ABCC1: variants seen among roughly 807,000 people sequenced by gnomAD.
ABCC1 encodes the protein ATP binding cassette subfamily C member 1 (ABCC1 blood group), also known as multidrug resistance-associated protein 1.
In ABCC1, 83 loss-of-function variants were observed where a neutral mutation model predicts 172.9. That is an observed-to-expected ratio of 0.48 (90% CI 0.40 to 0.58). The LOEUF (loss-of-function observed/expected upper bound fraction) is 0.58, where lower values mean the gene tolerates loss of function less well. Among genes scored for constraint, ABCC1 ranks in the 20% least tolerant of loss-of-function variants. ABCC1 has a pLI of 0.00. For synonymous variants in ABCC1, 937 were observed against 825.2 expected, an observed-to-expected ratio of 1.14 and a Z score of -2.32; for missense variants, 1,817 against 2,002.7, an observed-to-expected ratio of 0.91 and a Z score of 1.77.
chr16:15,986,025 C>T (rs1349730459), intron 1 of ABCC1, among the ~76,000 whole-genome samples: 2 of 151,922 alleles, frequency 1.3e-5, no homozygotes, highest in East Asian at 1.9e-4. Context: ...GTCTCTGCCT[C>T]CCAGGTTCAA....
rs906107639 is a variant in ABCC1 at position 15,975,046 on chromosome 16, C to T, written c.48+25247C>T. Among the ~76,000 whole-genome samples, 9 of 152,188 alleles carry T rather than the reference C, an allele frequency of 5.9e-5. 1 individual carries two copies. The highest frequency in any genetic ancestry group is 5.9e-4 in the Admixed American group (9 of 15,278). On this transcript the variant is annotated intron_variant, in intron 1 of 30. Coordinates refer to ENST00000399410, the MANE Select transcript of ABCC1 (RefSeq NM_004996.4). ...AAGTGATCCCCCCCAGCCTTGGCTT[C>T]CCAAAGTACTGGGATGACAGGTGTG... is the stretch of plus-strand genomic sequence containing the variant.
intron 5 of ABCC1, among the ~76,000 whole-genome samples, chr16:16,019,233 A>G (rs1390745747): frequency 6.6e-6 from 1 of 152,030 alleles, no homozygotes; most frequent in Non-Finnish European, 1.5e-5. Context: ...CCTCCTGAGT[A>G]GCTGGGATTA....
intron 5 of ABCC1, among the ~76,000 whole-genome samples, chr16:16,018,813 G>GTT (rs1222815869): frequency 6.6e-6 from 1 of 152,108 alleles, no homozygotes; most frequent in Non-Finnish European, 1.5e-5. Context: ...TTGTGTGTGT[G>GTT]TGTGTCTTTG....
intron 16 of ABCC1, among the ~76,000 whole-genome samples, chr16:16,081,688 C>A (rs1008014565): frequency 2.6e-5 from 4 of 152,058 alleles, no homozygotes; most frequent in African/African-American, 9.7e-5. Flanking sequence ...GTACCTGGGA[C>A]CTGCTGTCAG....
At chr16:16,048,083 G>T (rs991744513) in intron 9 of ABCC1, 59 bp from the exon 10 acceptor site, 12 of 1,586,658 alleles carry the variant, frequency 7.6e-6, no homozygotes, top group Non-Finnish European at 1.0e-5. Context: ...GGTCTGGAGG[G>T]AGAGTCAGGC....
chr16:16,071,830 T>C (rs2050362936), intron 14 of ABCC1, 101 bp downstream of exon 14: 2 of 1,089,810 alleles, frequency 1.8e-6, no homozygotes, highest in East Asian at 5.2e-5. Context: ...CCCTCAGGTT[T>C]GACTCTGCCC....
intron 17 of ABCC1, among the ~76,000 whole-genome samples, chr16:16,086,460 T>C (rs1242040839): frequency 6.6e-6 from 1 of 152,158 alleles, no homozygotes; most frequent in African/African-American, 2.4e-5. Context: ...CCTTTCTTTC[T>C]TTCTTGTTTA....
At chr16:15,993,384 T>C (rs1385678105) in intron 1 of ABCC1, among the ~76,000 whole-genome samples, 1 of 152,192 alleles carries the variant, frequency 6.6e-6, no homozygotes, top group Non-Finnish European at 1.5e-5. Flanking sequence ...AGGTGGGTTC[T>C]AGAATTAGTC....
Position 16,006,233 on chromosome 16 carries a change from C to G in ABCC1, c.49-1583C>G, listed in dbSNP as rs2047527446. ...GTAAGTTTTCCCAAAGTTATTTAGT[C>G]AGTTGCCAGATTATGGCTTGAATTA... is the stretch of plus-strand genomic sequence containing the variant. On this transcript the variant is annotated intron_variant, in intron 1 of 30. Transcript: ENST00000399410. 2.6e-5 allele frequency among the ~76,000 whole-genome samples: 4 copies of G among 151,984 alleles called. No homozygotes were observed. In the South Asian group the frequency reaches 8.3e-4, roughly 32 times the overall value.
chr16:16,122,751 G>GT (rs1423099023), intron 24 of ABCC1, among the ~76,000 whole-genome samples: 2 of 151,448 alleles, frequency 1.3e-5, no homozygotes, highest in African/African-American at 4.9e-5. Flanking sequence ...CATCATGGTG[G>GT]TGTGTGCCTG....
At chr16:16,027,686 G>C (rs941436495) in intron 5 of ABCC1, among the ~76,000 whole-genome samples, 1 of 152,094 alleles carries the variant, frequency 6.6e-6, no homozygotes, top group African/African-American at 2.4e-5. Context: ...TGTGGTGTGC[G>C]TCTGTAGTCC....
intron 16 of ABCC1, among the ~76,000 whole-genome samples, chr16:16,080,585 T>C (rs780848894): frequency 2.6e-5 from 4 of 152,136 alleles, no homozygotes; most frequent in Non-Finnish European, 4.4e-5. Context: ...TCCAGGAGTG[T>C]GGTCTGCAGC....
intron 1 of ABCC1, among the ~76,000 whole-genome samples, chr16:15,950,921 TTTTG>T (rs539295372): frequency 1.4e-3 from 213 of 152,048 alleles, no homozygotes; most frequent in African/African-American, 3.6e-3. Flanking sequence ...GAGGGTTTGG[TTTTG>T]TTTGTTTGTT....
intron 14 of ABCC1, among the ~76,000 whole-genome samples, chr16:16,075,850 C>T (rs1450415570): frequency 6.6e-6 from 1 of 152,112 alleles, no homozygotes; most frequent in Non-Finnish European, 1.5e-5. Flanking sequence ...TGAACGACCT[C>T]CCTTTGCACC....
chr16:16,092,380 T>C (rs536419754), intron 19 of ABCC1, among the ~76,000 whole-genome samples: 1 of 152,296 alleles, frequency 6.6e-6, no homozygotes, highest in South Asian at 2.1e-4. Flanking sequence ...CAGCCATGAC[T>C]CCCTATTTTC....
intron 5 of ABCC1, 21 bp downstream of exon 5, chr16:16,016,642 G>A: frequency 6.2e-7 from 1 of 1,613,432 alleles, no homozygotes; most frequent in African/African-American, 1.3e-5. Flanking sequence ...CCACAGATGA[G>A]TGTGTGTGCG....
At chr16:16,010,160 C>T (rs1373301553) in intron 3 of ABCC1, among the ~76,000 whole-genome samples, 1 of 149,340 alleles carries the variant, frequency 6.7e-6, no homozygotes, top group Admixed American at 6.7e-5. Context: ...CCTCCTACCT[C>T]AGACTTCTGA....
At chr16:16,097,833 C>T (rs146814852) in intron 19 of ABCC1, among the ~76,000 whole-genome samples, 389 of 152,338 alleles carry the variant, frequency 2.6e-3, no homozygotes, top group African/African-American at 9.0e-3. Context: ...GTGCCCCCCA[C>T]GTTGAGTTGT....
At chr16:16,057,192 AAAAAAAG>A (rs2049692739) in intron 12 of ABCC1, among the ~76,000 whole-genome samples, 1 of 143,536 alleles carries the variant, frequency 7.0e-6, no homozygotes, top group Non-Finnish European at 1.5e-5. Flanking sequence ...AAAAAAAAAA[AAAAAAAG>A]AAAGAAAAAA....
Sources: allele counts gnomAD v4.1 joint callset (sites outside exome capture counted in the v4.1 genomes callset), GRCh38; gene constraint gnomAD v4.1.1; transcripts MANE v1.5; gene names NCBI Gene and HGNC (gene_info 2026-07-23, HGNC 2026-07-21).